The following SUGCT variants were observed in gnomAD, a reference collection of about 807,000 sequenced individuals.
SUGCT encodes the protein succinyl-CoA:glutarate CoA-transferase.
SUGCT carries 41 observed loss-of-function variants against 55.0 expected under a neutral mutation model. That is an observed-to-expected ratio of 0.74 (90% CI 0.58 to 0.97). The LOEUF (loss-of-function observed/expected upper bound fraction) is 0.97, where lower values mean the gene tolerates loss of function less well. Ranked by LOEUF, SUGCT falls within the 50% of genes least tolerant of loss-of-function variation. The pLI is 0.00. For synonymous variants in SUGCT, 187 were observed against 200.4 expected (o/e 0.93, Z 0.56); for missense variants, 568 against 547.8 (o/e 1.04, Z -0.37).
At chr7:40,184,112 T>C (rs994057002) in intron 3 of SUGCT, among the ~76,000 whole-genome samples, 5 of 151,914 alleles carry the variant, frequency 3.3e-5, no homozygotes, top group African/African-American at 1.2e-4. Flanking sequence ...GAGGCGGAGG[T>C]TGCAGTGAGT....
At chr7:40,938,966 T>G in the SUGCT span, among the ~76,000 whole-genome samples, 4 of 152,228 alleles carry the variant, frequency 2.6e-5, no homozygotes, top group Admixed American at 2.0e-4. Flanking sequence ...TTGTGAATTG[T>G]GCTGCAATAA....
intron 1 of SUGCT, among the ~76,000 whole-genome samples, chr7:40,160,073 C>T (rs191409366): frequency 2.0e-5 from 3 of 152,254 alleles, no homozygotes; most frequent in Admixed American, 1.3e-4. Flanking sequence ...GTCTTTTCCT[C>T]TTGTTGGTCC....
At chr7:40,897,991 C>T in the SUGCT span, among the ~76,000 whole-genome samples, 3 of 152,202 alleles carry the variant, frequency 2.0e-5, no homozygotes, top group East Asian at 1.9e-4. Context: ...AGTGGCCACC[C>T]GCTCAGGTTC....
chr7:40,213,517 A>T (rs1336371896), intron 6 of SUGCT, among the ~76,000 whole-genome samples: 1 of 152,110 alleles, frequency 6.6e-6, no homozygotes, highest in African/African-American at 2.4e-5. Context: ...CTTCGTTAGG[A>T]TGGTATCTGC....
At chr7:40,456,193 T>G (rs913154403) in intron 10 of SUGCT, among the ~76,000 whole-genome samples, 1 of 152,010 alleles carries the variant, frequency 6.6e-6, no homozygotes, top group African/African-American at 2.4e-5. Flanking sequence ...GCCTGAATAA[T>G]TTTTGTATTT....
rs7792433 is a variant in SUGCT at position 40,465,630 on chromosome 7, A to G, written c.986+6432A>G. 1.1e-3 allele frequency among the ~76,000 whole-genome samples: 168 copies of G among 152,228 alleles called. 1 individual carries two copies. Among genetic ancestry groups the G allele is most frequent in the African/African-American group, 3.9e-3 (161 of 41,560 alleles). On this transcript the variant is annotated intron_variant, in intron 11 of 13. Transcript: ENST00000335693. ...GTCTCAAAAAGAAAAAAAAAAGTTT[A>G]TTAGTTACATTCCTCTAAGTTGATC...
chr7:40,347,176 C>T (rs534932918), intron 9 of SUGCT, among the ~76,000 whole-genome samples: 133 of 152,284 alleles, frequency 8.7e-4, no homozygotes, highest in African/African-American at 2.6e-3. Context: ...ATTAAAGGCA[C>T]TTCTGCTGAA....
At chr7:40,149,435 T>C (rs1445808407) in intron 1 of SUGCT, among the ~76,000 whole-genome samples, 1 of 152,188 alleles carries the variant, frequency 6.6e-6, no homozygotes, top group East Asian at 1.9e-4. Flanking sequence ...AAAGCATACC[T>C]CCTTCTTGTC....
intron 12 of SUGCT, among the ~76,000 whole-genome samples, chr7:40,647,346 A>G (rs1269332347): frequency 6.6e-6 from 1 of 152,190 alleles, no homozygotes; most frequent in African/African-American, 2.4e-5. Context: ...TTTCAGGAGA[A>G]TGTACTCAAT....
chr7:40,732,600 A>G (rs1786951732), intron 12 of SUGCT, among the ~76,000 whole-genome samples: 1 of 152,222 alleles, frequency 6.6e-6, no homozygotes, highest in Non-Finnish European at 1.5e-5. Flanking sequence ...GGCAGTGTCA[A>G]GTGTCAGGCC....
At chr7:40,336,555 T>C (rs529984387) in intron 9 of SUGCT, among the ~76,000 whole-genome samples, 2 of 152,352 alleles carry the variant, frequency 1.3e-5, no homozygotes, top group South Asian at 2.1e-4. Flanking sequence ...TATAGTATTC[T>C]CTGATGGTAG....
At chr7:40,579,123 C>T (rs956388001) in intron 12 of SUGCT, among the ~76,000 whole-genome samples, 1 of 151,840 alleles carries the variant, frequency 6.6e-6, no homozygotes, top group African/African-American at 2.4e-5. Flanking sequence ...TAGTGGACTA[C>T]TTCTTTTTTT....
chr7:40,888,341 A>T, the SUGCT span, among the ~76,000 whole-genome samples: 1 of 151,898 alleles, frequency 6.6e-6, no homozygotes, highest in Non-Finnish European at 1.5e-5. Context: ...AAAGGTAGAG[A>T]TAGGGAGGCC....
downstream of SUGCT, among the ~76,000 whole-genome samples, chr7:40,861,493 G>A (rs1029625): frequency 0.33 from 50,828 of 152,012 alleles, 9,557 homozygotes; most frequent in East Asian, 0.82. Flanking sequence ...CTAAGCCCAG[G>A]TATAGTCTGG....
intron 13 of SUGCT, among the ~76,000 whole-genome samples, chr7:40,784,209 T>C (rs1029109378): frequency 6.6e-6 from 1 of 152,036 alleles, no homozygotes; most frequent in East Asian, 1.9e-4. Context: ...AGCCATTTTG[T>C]GTGTGTTGGG....
At chr7:40,189,071 C>T (rs942180898) in intron 4 of SUGCT, among the ~76,000 whole-genome samples, 12 of 152,268 alleles carry the variant, frequency 7.9e-5, no homozygotes, top group South Asian at 2.1e-4. Flanking sequence ...TGGCTGGGCA[C>T]GGTGGCTCAT....
intron 13 of SUGCT, among the ~76,000 whole-genome samples, chr7:40,781,468 TACAC>T (rs1437712646): frequency 6.6e-6 from 1 of 151,782 alleles, no homozygotes; most frequent in African/African-American, 2.4e-5. Flanking sequence ...GCAGGGAAGA[TACAC>T]ACACACATAC....
intron 13 of SUGCT, among the ~76,000 whole-genome samples, chr7:40,761,547 A>C (rs1166858332): frequency 6.6e-6 from 1 of 152,208 alleles, no homozygotes; most frequent in African/African-American, 2.4e-5. Flanking sequence ...GGAAACCTGC[A>C]TTAGGCAAAG....
intron 12 of SUGCT, among the ~76,000 whole-genome samples, chr7:40,620,931 G>C (rs1274440066): frequency 2.6e-5 from 4 of 152,022 alleles, no homozygotes; most frequent in Non-Finnish European, 5.9e-5. Context: ...ACTTACTTTG[G>C]TTTAATTCAG....
Sources: allele counts gnomAD v4.1 joint callset (sites outside exome capture counted in the v4.1 genomes callset), GRCh38; gene constraint gnomAD v4.1.1; transcripts MANE v1.5; gene names NCBI Gene and HGNC (gene_info 2026-07-23, HGNC 2026-07-21).